The following PIGN variants were observed in gnomAD, a reference collection of about 807,000 sequenced individuals.
The protein encoded by PIGN is phosphatidylinositol glycan anchor biosynthesis class N.
A neutral mutation model predicts 125.4 loss-of-function variants in PIGN; 117 were observed. The ratio of observed to expected loss-of-function variants is 0.93; its 90% CI spans 0.80 to 1.09. The LOEUF is 1.09. Among genes scored for constraint, PIGN ranks in the 50% least tolerant of loss-of-function variants. The pLI, the probability that PIGN is intolerant of heterozygous loss-of-function variation, is 0.00. For missense variants in PIGN, 1,075 were observed against 1,094.9 expected (o/e 0.98, Z 0.26); for synonymous variants, 392 against 377.8 (o/e 1.04, Z -0.44).
At chr18:62,109,112 ATTACTGGTG>A (rs1273484295) in intron 17 of PIGN, among the ~76,000 whole-genome samples, 1 of 152,156 alleles carries the variant, frequency 6.6e-6, no homozygotes, top group Non-Finnish European at 1.5e-5. Flanking sequence ...TAAATTATAG[ATTACTGGTG>A]TAAAAATAGA....
intron 23 of PIGN, among the ~76,000 whole-genome samples, chr18:62,035,671 C>A: frequency 6.7e-6 from 1 of 149,200 alleles, no homozygotes; most frequent in South Asian, 2.1e-4. Context: ...TGCTATCCCT[C>A]CCCCTTCCCC....
chr18:62,157,819 T>G lies in PIGN; in HGVS notation c.222-11A>C, dbSNP rs1304047108. 3 of 1,603,436 alleles carry G rather than the reference T, an allele frequency of 1.9e-6. No individual in the cohort carries two copies. Among genetic ancestry groups the G allele is most frequent in the Middle Eastern group, 1.7e-4 (1 of 6,044 alleles). On this transcript the variant is annotated splice_polypyrimidine_tract_variant and intron_variant, in intron 4 of 30. Coordinates refer to ENST00000640252, the MANE Select transcript of PIGN (RefSeq NM_176787.5). ...TGCATTATGATATTCCTAAAAGATA[T>G]TAAAGACAAATAGTTAACACAGACT... is the stretch of plus-strand genomic sequence containing the variant.
intron 4 of PIGN, among the ~76,000 whole-genome samples, chr18:62,158,625 A>C (rs76917912): frequency 2.0e-5 from 3 of 152,250 alleles, no homozygotes; most frequent in African/African-American, 4.8e-5. Context: ...ATAAGTTATA[A>C]AATAGTAAAC....
chr18:62,180,203 G>A (rs1210187586), intron 1 of PIGN, among the ~76,000 whole-genome samples: 1 of 151,986 alleles, frequency 6.6e-6, no homozygotes, highest in South Asian at 2.1e-4. Context: ...CAATAGGATT[G>A]GATAAAATAT....
intron 6 of PIGN, among the ~76,000 whole-genome samples, chr18:62,155,759 T>C (rs1205682628): frequency 2.6e-5 from 4 of 152,002 alleles, no homozygotes; most frequent in African/African-American, 7.3e-5. Context: ...CAATTATTTG[T>C]CCTCTCCCAT....
At chr18:62,177,418 G>A (rs975118436) in intron 1 of PIGN, among the ~76,000 whole-genome samples, 3 of 151,978 alleles carry the variant, frequency 2.0e-5, no homozygotes, top group African/African-American at 7.3e-5. Context: ...TCACTTTCCT[G>A]ACTTCCTTTA....
intron 22 of PIGN, among the ~76,000 whole-genome samples, chr18:62,099,185 G>A (rs771842132): frequency 5.9e-5 from 9 of 151,908 alleles, no homozygotes; most frequent in Non-Finnish European, 8.8e-5. Flanking sequence ...CTAACTCTAC[G>A]CAGAATACAG....
chr18:62,109,936 A>G lies in PIGN; in HGVS notation c.1472T>C (p.Ile491Thr), dbSNP rs372815436. The G allele has an allele frequency of 2.5e-6, 4 of 1,613,514 alleles. No individual in the cohort carries two copies. Among genetic ancestry groups the G allele is most frequent in the Middle Eastern group, 3.3e-4 (2 of 6,054 alleles). ...SHLLPCSFVA[I>T]GILVAFFLLI... ...CAGAAAAAATGCTACTAAAATGCCAATAGCTACAAAACTACAAGGCAGGAG... is the reference window on the plus strand; with the variant it reads ...CAGAAAAAATGCTACTAAAATGCCAGTAGCTACAAAACTACAAGGCAGGAG... Residue 491 changes from isoleucine (I) to threonine (T), a missense_variant, in exon 17 of 31, where the codon ATT (isoleucine) becomes ACT (threonine). Transcript: ENST00000640252.
intron 1 of PIGN, among the ~76,000 whole-genome samples, chr18:62,179,394 T>G (rs2037638310): frequency 6.6e-6 from 1 of 152,134 alleles, no homozygotes; most frequent in African/African-American, 2.4e-5. Context: ...CTACATAAAT[T>G]GATGTTCTTC....
At chr18:62,080,424 C>A (rs1599470945) in intron 28 of PIGN, among the ~76,000 whole-genome samples, 1 of 152,266 alleles carries the variant, frequency 6.6e-6, no homozygotes, top group East Asian at 1.9e-4. Flanking sequence ...TTGTTTCACA[C>A]CCCCACACCT....
At chr18:62,177,359 T>C (rs967284287) in intron 1 of PIGN, among the ~76,000 whole-genome samples, 7 of 152,228 alleles carry the variant, frequency 4.6e-5, no homozygotes, top group Non-Finnish European at 8.8e-5. Context: ...TCTATTTGGT[T>C]CATTCTAATA....
chr18:62,170,489 AC>A, intron 1 of PIGN, among the ~76,000 whole-genome samples: 1 of 152,228 alleles, frequency 6.6e-6, no homozygotes, highest in Non-Finnish European at 1.5e-5. Context: ...TTGTTTTGAG[AC>A]AATTCCATAT....
intron 4 of PIGN, 149 bp downstream of exon 4, chr18:62,160,984 A>G (rs971674498): frequency 2.7e-5 from 15 of 564,314 alleles, no homozygotes; most frequent in Non-Finnish European, 4.4e-5. Context: ...GTGCTGACCC[A>G]TAAGACAAAG....
intron 23 of PIGN, among the ~76,000 whole-genome samples, chr18:62,034,579 G>A (rs2030233696): frequency 6.6e-6 from 1 of 152,208 alleles, no homozygotes; most frequent in Admixed American, 6.5e-5. Context: ...AGTGTGACCT[G>A]GATGTGAGAC....
chr18:62,085,507 T>C (rs998405388), intron 25 of PIGN, among the ~76,000 whole-genome samples: 5 of 152,016 alleles, frequency 3.3e-5, no homozygotes, highest in Admixed American at 3.3e-4. Context: ...TCCTAGTAAG[T>C]TATTTTCCTC....
rs71160811 is a variant in PIGN, at chr18:62,062,882, C to CTTTTTTTTTTTTTTTTTTTTT, written c.2672+9770_2672+9790dup. Among the ~76,000 whole-genome samples the CTTTTTTTTTTTTTTTTTTTTT allele has an allele frequency of 8.5e-4, 18 of 21,064 alleles. 2 individuals are homozygous for CTTTTTTTTTTTTTTTTTTTTT. Among genetic ancestry groups the CTTTTTTTTTTTTTTTTTTTTT allele is most frequent in the Non-Finnish European group, 1.1e-3 (14 of 12,680 alleles). 13.8% of individuals were successfully genotyped at this position (21,064 alleles called of 152,430 possible). A position where few individuals can be genotyped will look rare whatever the true frequency, so the allele number is the denominator to read the frequency against. Reference sequence around the variant, plus strand: ...ATTTGTTTTATGCTTTTGTATTCTGCTTTTTTTTTTTTTTTTTTTTTTTTT... The same window carrying CTTTTTTTTTTTTTTTTTTTTT: ...ATTTGTTTTATGCTTTTGTATTCTGCTTTTTTTTTTTTTTTTTTTTTTTTTTTTTTTTTTTTTTTTTTTTTT... On this transcript the variant is annotated intron_variant, in intron 30 of 30. Coordinates refer to ENST00000640252, the MANE Select transcript of PIGN (RefSeq NM_176787.5).
chr18:62,182,567 A>G (rs930552831), intron 1 of PIGN, among the ~76,000 whole-genome samples: 5 of 152,184 alleles, frequency 3.3e-5, no homozygotes, highest in African/African-American at 9.7e-5. Flanking sequence ...CACCTCTATA[A>G]TTTAAGATGT....
At chr18:62,178,821 C>T (rs1309413562) in intron 1 of PIGN, among the ~76,000 whole-genome samples, 1 of 152,110 alleles carries the variant, frequency 6.6e-6, no homozygotes, top group Admixed American at 6.5e-5. Flanking sequence ...CAAATTTTCT[C>T]ATGGCAAGTA....
chr18:62,048,313 T>G (rs991857190), intron 30 of PIGN, among the ~76,000 whole-genome samples: 3 of 152,122 alleles, frequency 2.0e-5, no homozygotes, highest in African/African-American at 4.8e-5. Context: ...AGTTTCCAAA[T>G]TTGGCAAAAG....
Sources: gnomAD v4.1 joint callset for allele counts (sites outside exome capture counted in the v4.1 genomes callset) on GRCh38, gnomAD v4.1.1 for gene constraint, MANE v1.5 for transcripts, NCBI Gene and HGNC (gene_info 2026-07-23, HGNC 2026-07-21) for gene names.